The following NEBL variants were observed in gnomAD, a reference collection of about 807,000 sequenced individuals.
NEBL encodes the protein LIM and SH3 protein 2.
In NEBL, 122 loss-of-function variants were observed where a neutral mutation model predicts 140.2. That is an observed-to-expected ratio of 0.87 (90% CI 0.75 to 1.01). The LOEUF is 1.01. Among genes scored for constraint, NEBL ranks in the 50% least tolerant of loss-of-function variants. The pLI, the probability that NEBL is intolerant of heterozygous loss-of-function variation, is 0.00. For synonymous variants in NEBL, 436 were observed against 398.9 expected, an observed-to-expected ratio of 1.09 and a Z score of -1.11; for missense variants, 1,365 against 1,231.3, an observed-to-expected ratio of 1.11 and a Z score of -1.62.
At chr10:20,848,899 C>A (rs1362395747) in intron 11 of NEBL, among the ~76,000 whole-genome samples, 1 of 152,184 alleles carries the variant, frequency 6.6e-6, no homozygotes, top group African/African-American at 2.4e-5. Flanking sequence ...ATAGTAATAT[C>A]TGAGTGCCTT....
chr10:21,157,754 C>G (rs1840391710), intron 2 of NEBL, among the ~76,000 whole-genome samples: 1 of 152,104 alleles, frequency 6.6e-6, no homozygotes, highest in Non-Finnish European at 1.5e-5. Flanking sequence ...GTGTTAGAGT[C>G]CTAACCCCAC....
intron 2 of NEBL, among the ~76,000 whole-genome samples, chr10:21,043,876 T>A (rs1419992424): frequency 2.0e-5 from 3 of 152,184 alleles, no homozygotes; most frequent in Non-Finnish European, 2.9e-5. Context: ...TTTAAAAAGT[T>A]GCCAATTCAG....
chr10:21,196,147 G>A (rs553219986), intron 3 of NEBL, among the ~76,000 whole-genome samples: 4 of 151,740 alleles, frequency 2.6e-5, no homozygotes, highest in African/African-American at 4.8e-5. Context: ...GGGATTACAG[G>A]CACGCACCAC....
chr10:21,178,820 C>A (rs12782823), upstream of NEBL, among the ~76,000 whole-genome samples: 1 of 151,962 alleles, frequency 6.6e-6, no homozygotes, highest in Non-Finnish European at 1.5e-5. Flanking sequence ...TTTCTAGACT[C>A]GGAAAGAGGA....
At chr10:21,248,664 T>C (rs1397111655) in intron 2 of NEBL, among the ~76,000 whole-genome samples, 4 of 152,234 alleles carry the variant, frequency 2.6e-5, no homozygotes, top group Non-Finnish European at 4.4e-5. Flanking sequence ...CTGCCTTCAA[T>C]ATTTTTGCGT....
chr10:21,006,752 T>C (rs1159469579), intron 3 of NEBL, among the ~76,000 whole-genome samples: 3 of 152,184 alleles, frequency 2.0e-5, no homozygotes, highest in Non-Finnish European at 4.4e-5. Context: ...ACAAGAGGAT[T>C]GGGATATTGT....
chr10:21,126,668 G>T (rs1381434459), intron 2 of NEBL, among the ~76,000 whole-genome samples: 2 of 152,042 alleles, frequency 1.3e-5, no homozygotes, highest in Non-Finnish European at 2.9e-5. Flanking sequence ...AGACACACAA[G>T]CCAATTAGAA....
At position 20,838,826 on chromosome 10, in the gene NEBL, C is replaced by T. The variant is rs186458258; in HGVS notation, c.1338+1913G>A. Among the ~76,000 whole-genome samples the T allele has an allele frequency of 2.9e-3, 448 of 152,248 alleles. 5 individuals carry two copies. The highest frequency in any genetic ancestry group is 2.5e-3 in the Non-Finnish European group (167 of 68,018). ...AAAAGATTACCACTTGCTGAAGGATCAGATGATCATTAGCACTATTATAAA... is the reference window on the plus strand; with the variant it reads ...AAAAGATTACCACTTGCTGAAGGATTAGATGATCATTAGCACTATTATAAA... On this transcript the variant is annotated intron_variant, in intron 13 of 27. Transcript: ENST00000377122.
At chr10:20,803,483 A>G (rs913018258) in intron 26 of NEBL, among the ~76,000 whole-genome samples, 1 of 152,230 alleles carries the variant, frequency 6.6e-6, no homozygotes. Flanking sequence ...AAAAATTTTA[A>G]CTACATTTTG....
At chr10:21,080,089 G>C (rs1836296737) in intron 2 of NEBL, among the ~76,000 whole-genome samples, 1 of 152,224 alleles carries the variant, frequency 6.6e-6, no homozygotes, top group Non-Finnish European at 1.5e-5. Context: ...CAGGTGAACT[G>C]TAAAGCATAG....
chr10:20,996,168 C>G (rs1378512014), intron 3 of NEBL, among the ~76,000 whole-genome samples: 1 of 152,170 alleles, frequency 6.6e-6, no homozygotes, highest in African/African-American at 2.4e-5. Flanking sequence ...GCAAGTGAAA[C>G]AAAATCGGTT....
chr10:21,123,598 T>G (rs1289255360), intron 2 of NEBL, among the ~76,000 whole-genome samples: 1 of 152,060 alleles, frequency 6.6e-6, no homozygotes, highest in African/African-American at 2.4e-5. Flanking sequence ...GGAACTCTTC[T>G]TCTCCCCACC....
intron 2 of NEBL, among the ~76,000 whole-genome samples, chr10:21,079,317 G>A (rs771409919): frequency 3.9e-5 from 6 of 152,178 alleles, no homozygotes; most frequent in Non-Finnish European, 5.9e-5. Flanking sequence ...AAAAATACAA[G>A]ATAAAATGCA....
At chr10:21,127,751 G>A (rs1289065705) in intron 2 of NEBL, among the ~76,000 whole-genome samples, 1 of 152,032 alleles carries the variant, frequency 6.6e-6, no homozygotes, top group African/African-American at 2.4e-5. Context: ...ATTAAAAGGG[G>A]GAAAGGAGTG....
chr10:21,063,056 G>A (rs910722548), intron 2 of NEBL, among the ~76,000 whole-genome samples: 1 of 152,096 alleles, frequency 6.6e-6, no homozygotes, highest in Admixed American at 6.6e-5. Flanking sequence ...TTGGGGGTTG[G>A]CCTCAGTTAT....
intron 10 of NEBL, 139 bp from the exon 11 acceptor site, chr10:20,850,641 G>T: frequency 1.6e-6 from 1 of 626,494 alleles, no homozygotes; most frequent in Non-Finnish European, 2.8e-6. Context: ...TGAGCACTGG[G>T]TTCCCTTTGG....
At chr10:21,131,389 T>C (rs565735553) in intron 2 of NEBL, among the ~76,000 whole-genome samples, 1 of 152,294 alleles carries the variant, frequency 6.6e-6, no homozygotes, top group Admixed American at 6.5e-5. Flanking sequence ...AACTCATTCT[T>C]ACGACACCCT....
At chr10:21,121,295 G>T (rs1473760202) in intron 2 of NEBL, among the ~76,000 whole-genome samples, 1 of 152,088 alleles carries the variant, frequency 6.6e-6, no homozygotes, top group Non-Finnish European at 1.5e-5. Flanking sequence ...ATTGTCAGGG[G>T]ATTGATCACT....
chr10:21,170,896 T>A (rs939796306), intron 2 of NEBL, among the ~76,000 whole-genome samples: 7 of 152,136 alleles, frequency 4.6e-5, no homozygotes, highest in African/African-American at 1.7e-4. Context: ...GGGCCCTCCA[T>A]CTCTAGGAGA....
Sources: allele counts gnomAD v4.1 joint callset (sites outside exome capture counted in the v4.1 genomes callset), GRCh38; gene constraint gnomAD v4.1.1; transcripts MANE v1.5; gene names NCBI Gene and HGNC (gene_info 2026-07-23, HGNC 2026-07-21).